Variants in CSGALNACT1 observed in about 807,000 individuals in gnomAD.
The protein encoded by CSGALNACT1 is beta4GalNAcT-1.
In CSGALNACT1, 52 loss-of-function variants were observed where a neutral mutation model predicts 51.0. The observed-to-expected ratio is 1.02, with a 90% CI of 0.82 to 1.29. The LOEUF is 1.29. CSGALNACT1 is among the 50% of genes most tolerant of loss of function. The pLI is 0.00. For synonymous variants in CSGALNACT1, 341 were observed against 254.4 expected (o/e 1.34, Z -3.24); for missense variants, 935 against 679.2 (o/e 1.38, Z -4.19).
chr8:19,643,943 G>A (rs937463646), intron 1 of CSGALNACT1, among the ~76,000 whole-genome samples: 24 of 152,120 alleles, frequency 1.6e-4, no homozygotes, highest in Non-Finnish European at 7.4e-5. Context: ...TTACTTTGAG[G>A]AATCAATCTA....
intron 1 of CSGALNACT1, among the ~76,000 whole-genome samples, chr8:19,639,217 A>G (rs891802020): frequency 2.6e-5 from 4 of 152,344 alleles, no homozygotes; most frequent in South Asian, 2.1e-4. Flanking sequence ...ACAATCAACA[A>G]TAACAGGCTT....
intron 1 of CSGALNACT1, among the ~76,000 whole-genome samples, chr8:19,748,906 A>G (rs530714119): frequency 6.6e-6 from 1 of 151,954 alleles, no homozygotes; most frequent in Non-Finnish European, 1.5e-5. Context: ...CAGAGGTTGC[A>G]GTGAGCCGAG....
At chr8:19,557,699 CCT>C (rs1489123382) in intron 3 of CSGALNACT1, among the ~76,000 whole-genome samples, 4 of 152,168 alleles carry the variant, frequency 2.6e-5, no homozygotes, top group Admixed American at 2.6e-4. Context: ...AACAGCACCC[CCT>C]GTCAACTCTG....
chr8:19,753,754 T>G (rs1345914970), intron 1 of CSGALNACT1, among the ~76,000 whole-genome samples: 2 of 152,254 alleles, frequency 1.3e-5, no homozygotes, highest in Non-Finnish European at 1.5e-5. Flanking sequence ...ATGTTCTCAT[T>G]CATTTACATA....
At chr8:19,668,283 C>T (rs890090205) in intron 1 of CSGALNACT1, among the ~76,000 whole-genome samples, 1 of 152,034 alleles carries the variant, frequency 6.6e-6, no homozygotes, top group African/African-American at 2.4e-5. Flanking sequence ...GGACAGACAC[C>T]CCTCAGCTTC....
At chr8:19,433,538 T>G (rs1317761299) in intron 6 of CSGALNACT1, among the ~76,000 whole-genome samples, 1 of 152,214 alleles carries the variant, frequency 6.6e-6, no homozygotes, top group Non-Finnish European at 1.5e-5. Flanking sequence ...GTTAAACACT[T>G]CCTATAATTG....
rs368129243 is a variant in CSGALNACT1, at chr8:19,725,111, A to G, written c.-297+32739T>C. Among the ~76,000 whole-genome samples, 23 of 152,334 alleles carry G rather than the reference A, an allele frequency of 1.5e-4. No individual in the cohort carries two copies. In the South Asian group the frequency reaches 4.1e-3, roughly 27 times the overall value. On this transcript the variant is annotated intron_variant, in intron 1 of 1. Transcript: ENST00000517494. ...CTGATGCAGGGTTCATCCTTACCCA[A>G]AAAAACTACAGAAGATCAGAAGTAA...
At chr8:19,423,501 G>A (rs764057814) in intron 6 of CSGALNACT1, among the ~76,000 whole-genome samples, 12 of 152,118 alleles carry the variant, frequency 7.9e-5, no homozygotes, top group Non-Finnish European at 8.8e-5. Context: ...CCCTAACCCT[G>A]GCTTGAGCTG....
At chr8:19,528,843 A>T (rs746518752) in intron 3 of CSGALNACT1, among the ~76,000 whole-genome samples, 27 of 152,152 alleles carry the variant, frequency 1.8e-4, no homozygotes, top group Non-Finnish European at 1.9e-4. Context: ...GAAAATAAAG[A>T]TATCAAACCC....
intron 1 of CSGALNACT1, among the ~76,000 whole-genome samples, chr8:19,677,125 C>G (rs140957859): frequency 4.6e-5 from 7 of 151,236 alleles, no homozygotes; most frequent in African/African-American, 7.3e-5. Flanking sequence ...TTTTTTCCTC[C>G]TAAAACAGAG....
intron 4 of CSGALNACT1, among the ~76,000 whole-genome samples, chr8:19,497,821 A>C (rs2075748750): frequency 6.6e-6 from 1 of 152,126 alleles, no homozygotes; most frequent in South Asian, 2.1e-4. Flanking sequence ...CCTGAGATAA[A>C]TGCATATCTG....
chr8:19,444,325 T>C (rs1183326257), intron 5 of CSGALNACT1, among the ~76,000 whole-genome samples: 1 of 152,254 alleles, frequency 6.6e-6, no homozygotes, highest in Non-Finnish European at 1.5e-5. Flanking sequence ...AAAAAAAGTT[T>C]GTGCATATTC....
intron 5 of CSGALNACT1, among the ~76,000 whole-genome samples, chr8:19,452,127 C>T (rs900463036): frequency 3.3e-5 from 5 of 152,124 alleles, no homozygotes; most frequent in Admixed American, 6.5e-5. Flanking sequence ...AGAGTGGAGA[C>T]CAAGGAAAGA....
intron 1 of CSGALNACT1, among the ~76,000 whole-genome samples, chr8:19,741,034 G>A (rs2064279316): frequency 6.6e-6 from 1 of 152,196 alleles, no homozygotes; most frequent in African/African-American, 2.4e-5. Flanking sequence ...TCAACAAAAT[G>A]GAGGAAGCAA....
At chr8:19,694,501 C>T (rs188905294) in intron 1 of CSGALNACT1, among the ~76,000 whole-genome samples, 2 of 152,188 alleles carry the variant, frequency 1.3e-5, no homozygotes, top group African/African-American at 2.4e-5. Context: ...TAATGAAGAT[C>T]GCAGTGTTGC....
At chr8:19,577,690 C>A (rs750906313) in intron 3 of CSGALNACT1, among the ~76,000 whole-genome samples, 8 of 151,904 alleles carry the variant, frequency 5.3e-5, no homozygotes, top group Non-Finnish European at 1.2e-4. Flanking sequence ...AAGACACACT[C>A]CCATTGGGTT....
chr8:19,713,831 T>C (rs2062651271), intron 1 of CSGALNACT1, among the ~76,000 whole-genome samples: 1 of 152,166 alleles, frequency 6.6e-6, no homozygotes, highest in African/African-American at 2.4e-5. Flanking sequence ...TTTTTGCTAC[T>C]ATGAAGTTTG....
intron 3 of CSGALNACT1, among the ~76,000 whole-genome samples, chr8:19,527,993 G>A (rs2154048746): frequency 6.6e-6 from 1 of 152,234 alleles, no homozygotes. Context: ...GTGGTGCTGA[G>A]TCTATAGGAA....
At chr8:19,731,920 G>A (rs756523891) in intron 1 of CSGALNACT1, among the ~76,000 whole-genome samples, 19 of 152,276 alleles carry the variant, frequency 1.2e-4, no homozygotes, top group East Asian at 7.7e-4. Flanking sequence ...CTGTCAGGCC[G>A]TGCTGCAACT....
Sources: allele counts gnomAD v4.1 joint callset (sites outside exome capture counted in the v4.1 genomes callset), GRCh38; gene constraint gnomAD v4.1.1; transcripts MANE v1.5; gene names NCBI Gene and HGNC (gene_info 2026-07-23, HGNC 2026-07-21).